The following SMYD3 variants were observed in gnomAD, a reference collection of about 807,000 sequenced individuals.
The protein encoded by SMYD3 is SET and MYND domain containing 3, also known as histone-lysine N-methyltransferase SMYD3.
In SMYD3, 36 loss-of-function variants were observed where a neutral mutation model predicts 57.7. The observed-to-expected ratio is 0.62, with a 90% CI of 0.48 to 0.82. The LOEUF (loss-of-function observed/expected upper bound fraction) is 0.82. SMYD3 is among the 40% of genes least tolerant of loss of function. SMYD3 has a pLI of 0.00. For missense variants in SMYD3, 515 were observed against 538.8 expected (o/e 0.96, Z 0.44); for synonymous variants, 211 against 195.0 (o/e 1.08, Z -0.68).
At position 245,808,695 on chromosome 1, in the gene SMYD3, T is replaced by C. The variant is rs1028382855; in HGVS notation, c.1077-44546A>G. On this transcript the variant is annotated intron_variant, in intron 10 of 11. Coordinates refer to ENST00000490107, the MANE Select transcript of SMYD3 (RefSeq NM_001167740.2). ...GGCTGCAGTGTGCCTCAGCCTCTTC[T>C]TGGGGATGCTGTCCCATCCCAGGAC... Among the ~76,000 whole-genome samples the C allele has an allele frequency of 2.4e-4, 37 of 152,174 alleles. 1 individual carries two copies. The highest frequency in any genetic ancestry group is 1.0e-3 in the Admixed American group (16 of 15,278).
intron 1 of SMYD3, among the ~76,000 whole-genome samples, chr1:246,502,577 G>C (rs2068473533): frequency 6.6e-6 from 1 of 152,102 alleles, no homozygotes; most frequent in Non-Finnish European, 1.5e-5. Context: ...ATCTCTTCCA[G>C]TTAATACTCA....
chr1:246,237,552 A>AG (rs74833834), intron 5 of SMYD3, among the ~76,000 whole-genome samples: 40,490 of 151,930 alleles, frequency 0.27, 6,085 homozygotes, highest in East Asian at 0.58. Context: ...GGTTAATCTC[A>AG]GTAAGTCACT....
intron 5 of SMYD3, among the ~76,000 whole-genome samples, chr1:246,124,328 T>C (rs1181500614): frequency 2.0e-5 from 3 of 150,234 alleles, no homozygotes; most frequent in Admixed American, 1.3e-4. Context: ...AAGTTCCAAA[T>C]GAATGAATGA....
chr1:246,212,728 AT>A (rs2063109765), intron 5 of SMYD3, among the ~76,000 whole-genome samples: 1 of 152,144 alleles, frequency 6.6e-6, no homozygotes, highest in African/African-American at 2.4e-5. Context: ...TTTCCCAAGC[AT>A]TTTTAGACCA....
In SMYD3 at chr1:245,763,752, C is replaced by G. The variant is rs111456606; in HGVS notation, c.1185+289G>C. Among the ~76,000 whole-genome samples, 140 of 152,256 alleles carry G rather than the reference C, an allele frequency of 9.2e-4. 1 individual carries two copies. Among genetic ancestry groups the G allele is most frequent in the African/African-American group, 3.1e-3 (128 of 41,536 alleles). The stretch of plus-strand genomic sequence containing the variant: ...GAGGGCACAGGAGCAGTGGTGTTCT[C>G]AGACTGGTTTGTACCAGTGGCAAGA... On this transcript the variant is annotated intron_variant, in intron 11 of 11. Transcript: ENST00000490107.
chr1:246,409,209 T>C (rs2066919238), intron 1 of SMYD3, among the ~76,000 whole-genome samples: 1 of 152,238 alleles, frequency 6.6e-6, no homozygotes, highest in African/African-American at 2.4e-5. Flanking sequence ...TTTTGGCTTT[T>C]GTTGCCATTG....
At chr1:245,965,297 T>C (rs999197375) in intron 5 of SMYD3, among the ~76,000 whole-genome samples, 37 of 152,202 alleles carry the variant, frequency 2.4e-4, no homozygotes, top group African/African-American at 8.7e-4. Flanking sequence ...TATAAGATAT[T>C]TGCACTACTG....
chr1:245,795,624 T>C (rs2047489899), intron 10 of SMYD3, among the ~76,000 whole-genome samples: 1 of 152,188 alleles, frequency 6.6e-6, no homozygotes, highest in Admixed American at 6.5e-5. Flanking sequence ...GATCTAACCA[T>C]GCCAGCTCAC....
chr1:245,922,637 G>A (rs904875391), intron 7 of SMYD3, among the ~76,000 whole-genome samples: 5 of 151,344 alleles, frequency 3.3e-5, no homozygotes, highest in Non-Finnish European at 7.4e-5. Flanking sequence ...CACCATTTGA[G>A]CTCTACTTTT....
intron 5 of SMYD3, among the ~76,000 whole-genome samples, chr1:246,057,431 T>C (rs1308762174): frequency 6.6e-6 from 1 of 152,232 alleles, no homozygotes; most frequent in African/African-American, 2.4e-5. Flanking sequence ...AATGCATTGC[T>C]GTTCCTCAAA....
intron 9 of SMYD3, among the ~76,000 whole-genome samples, chr1:245,861,306 G>C (rs547382097): frequency 1.6e-4 from 24 of 152,344 alleles, no homozygotes; most frequent in Middle Eastern, 3.4e-3. Context: ...CAGGGCTGGA[G>C]AGTGCACCCA....
At chr1:246,476,975 G>T (rs1448809142) in intron 1 of SMYD3, among the ~76,000 whole-genome samples, 1 of 152,072 alleles carries the variant, frequency 6.6e-6, no homozygotes, top group Non-Finnish European at 1.5e-5. Context: ...TTTAAAGGAG[G>T]GATTAGAGAA....
At chr1:246,043,863 A>AAACCTGGCTAC (rs1260969959) in intron 5 of SMYD3, among the ~76,000 whole-genome samples, 1 of 152,176 alleles carries the variant, frequency 6.6e-6, no homozygotes. Flanking sequence ...CCAGAGGAGA[A>AAACCTGGCTAC]AACCTGGCTA....
intron 5 of SMYD3, among the ~76,000 whole-genome samples, chr1:246,123,361 A>G (rs890198887): frequency 3.3e-5 from 5 of 152,088 alleles, no homozygotes; most frequent in Admixed American, 6.6e-5. Flanking sequence ...AGGCCAAGAG[A>G]TCGAGACCAT....
chr1:246,235,197 G>A (rs1361846345), intron 5 of SMYD3, among the ~76,000 whole-genome samples: 1 of 152,098 alleles, frequency 6.6e-6, no homozygotes. Context: ...GAAAAGACAG[G>A]AGTTAATACC....
At chr1:246,400,784 G>C (rs2066754243) in intron 1 of SMYD3, among the ~76,000 whole-genome samples, 1 of 151,348 alleles carries the variant, frequency 6.6e-6, no homozygotes, top group Admixed American at 6.6e-5. Context: ...TATCAGCCAT[G>C]TAATAAAATA....
intron 8 of SMYD3, among the ~76,000 whole-genome samples, chr1:245,869,354 C>T (rs543685895): frequency 1.3e-5 from 2 of 152,320 alleles, no homozygotes; most frequent in South Asian, 4.1e-4. Context: ...CATCTCTGCC[C>T]TGACCCACTG....
chr1:245,873,833 C>T (rs540670948), intron 8 of SMYD3, among the ~76,000 whole-genome samples: 4 of 152,282 alleles, frequency 2.6e-5, no homozygotes, highest in South Asian at 4.1e-4. Flanking sequence ...GGCAGCACTA[C>T]GGAAGTGGAA....
chr1:245,940,793 C>T (rs193281401), intron 5 of SMYD3, among the ~76,000 whole-genome samples: 1 of 152,188 alleles, frequency 6.6e-6, no homozygotes, highest in Non-Finnish European at 1.5e-5. Context: ...CCAGCAAGGG[C>T]ACAGAACTAG....
Sources: allele counts gnomAD v4.1 joint callset (sites outside exome capture counted in the v4.1 genomes callset), GRCh38; gene constraint gnomAD v4.1.1; transcripts MANE v1.5; gene names NCBI Gene and HGNC (gene_info 2026-07-23, HGNC 2026-07-21).